The following SOCS6 variants were observed in gnomAD, a reference collection of about 807,000 sequenced individuals.
SOCS6 encodes the protein suppressor of cytokine signaling 6.
In SOCS6, 5 loss-of-function variants were observed where a neutral mutation model predicts 27.7. That is an observed-to-expected ratio of 0.18 (90% confidence interval 0.09 to 0.38). The LOEUF (loss-of-function observed/expected upper bound fraction) is 0.38. SOCS6 is among the 10% of genes least tolerant of loss of function. The pLI is 1.00. For missense variants in SOCS6, 595 were observed against 688.1 expected, an observed-to-expected ratio of 0.86 and a Z score of 1.51; for synonymous variants, 271 against 260.0, an observed-to-expected ratio of 1.04 and a Z score of -0.41.
intron 1 of SOCS6, among the ~76,000 whole-genome samples, chr18:70,319,636 G>C (rs1436484638): frequency 6.8e-6 from 1 of 147,624 alleles, no homozygotes; most frequent in Non-Finnish European, 1.5e-5. Flanking sequence ...AAAAAAATTG[G>C]TTATACTTAC....
chr18:70,296,906 CT>C lies in SOCS6; in HGVS notation c.-127+7828del, dbSNP rs375704179. ...TCCCTTTCATTTTCTCATTTTCTTT[CT>C]TTTTTTTTTTTCTGTCTTAAGCTCT... On this transcript the variant is annotated intron_variant, in intron 1 of 1. Transcript: ENST00000397942. 3.5e-4 allele frequency among the ~76,000 whole-genome samples: 45 copies of C among 129,166 alleles called. 1 individual carries two copies. The South Asian group carries it at 5.7e-3, about 16-fold the overall frequency. 84.7% of individuals were successfully genotyped at this position (129,166 alleles called of 152,430 possible).
At chr18:70,296,980 G>T (rs1414518205) in intron 1 of SOCS6, among the ~76,000 whole-genome samples, 2 of 55,280 alleles carry the variant, frequency 3.6e-5, no homozygotes, top group African/African-American at 5.2e-5. Flanking sequence ...TATTTTCTTA[G>T]CTTTTTTCTC....
At chr18:70,311,145 C>A (rs1361778728) in intron 1 of SOCS6, among the ~76,000 whole-genome samples, 1 of 152,122 alleles carries the variant, frequency 6.6e-6, no homozygotes, top group East Asian at 1.9e-4. Context: ...AAATATGTTT[C>A]TCTTAGAGCA....
rs756144051 is a variant in SOCS6 at position 70,325,447 on chromosome 18, G to A, written c.779G>A (p.Arg260His). 4 of 1,614,014 alleles carry A rather than the reference G, an allele frequency of 2.5e-6. No individual in the cohort carries two copies. Among genetic ancestry groups the A allele is most frequent in the African/African-American group, 1.3e-5 (1 of 74,918 alleles). ...GCGGTTCCTCCTCAAGTGGGAGGGC[G>A]CGCTTTCCCCGAGGATGAGAGTCAG... is the stretch of plus-strand genomic sequence containing the variant. ...VSAVPPQVGG[R>H]AFPEDESQVD... Residue 260 changes from arginine (R) to histidine (H), a missense_variant, in exon 2 of 2, where the codon CGC becomes CAC. Arg to His is a conservative substitution (Grantham distance 29, BLOSUM62 0). Transcript: ENST00000397942. The surrounding 1 kb of genome is among the most constrained non-coding windows in gnomAD (Gnocchi z 6.3).
Position 70,325,200 on chromosome 18 carries a change from C to T in SOCS6, c.532C>T (p.Leu178Phe), listed in dbSNP as rs746921252. Reference protein sequence around the residue: ...LNGVRKDFHDLQSETTCQEQA... With the variant: ...LNGVRKDFHDFQSETTCQEQA... ...TGGCGTCCGGAAGGATTTCCACGAC[C>T]TCCAGTCTGAGACCACGTGCCAGGA... is the stretch of plus-strand genomic sequence containing the variant. Residue 178 changes from leucine (L) to phenylalanine (F), a missense_variant, in exon 2 of 2, where the codon CTC becomes TTC. This residue lies in a region of SOCS6 where 467 missense variants were observed against 481.1 expected (regional missense o/e 0.97). Coordinates refer to ENST00000397942, the MANE Select transcript of SOCS6 (RefSeq NM_004232.4). The surrounding 1 kb of genome is among the most constrained non-coding windows in gnomAD (Gnocchi z 6.3). The T allele has an allele frequency of 6.2e-6, 10 of 1,614,056 alleles. No homozygotes were observed. Among genetic ancestry groups the T allele is most frequent in the Non-Finnish European group, 8.5e-6 (10 of 1,180,010 alleles).
chr18:70,299,592 G>A (rs1006033025), intron 1 of SOCS6, among the ~76,000 whole-genome samples: 3 of 152,152 alleles, frequency 2.0e-5, no homozygotes, highest in African/African-American at 7.2e-5. Flanking sequence ...CCACACTCTA[G>A]GCACTGGGTC....
intron 1 of SOCS6, among the ~76,000 whole-genome samples, chr18:70,293,662 C>G (rs186081319): frequency 6.6e-5 from 10 of 152,112 alleles, no homozygotes; most frequent in African/African-American, 2.4e-4. Flanking sequence ...AAGACAGTCT[C>G]TCATGGGGAT....
rs1292933808 is a variant in SOCS6, at chr18:70,324,697, G to A, written c.29G>A (p.Arg10Gln). 9 of 1,596,666 alleles carry A rather than the reference G, an allele frequency of 5.6e-6. No individual in the cohort carries two copies. Among genetic ancestry groups the A allele is most frequent in the Non-Finnish European group, 6.0e-6 (7 of 1,169,322 alleles). ...AAGAAAATTAGTCTTAAAACCTTAC[G>A]GAAATCTTTTAACTTGAATAAAAGT... Reference protein sequence around the residue: MKKISLKTLRKSFNLNKSKE... With the variant: MKKISLKTLQKSFNLNKSKE... The change falls in exon 2 of 2, where the codon CGG becomes CAG. Residue 10 changes from arginine to glutamine, a missense_variant. This residue lies in a region of SOCS6 where 467 missense variants were observed against 481.1 expected (regional missense o/e 0.97). Transcript: ENST00000397942.
chr18:70,312,659 G>A (rs1055643218), intron 1 of SOCS6, among the ~76,000 whole-genome samples: 2 of 151,830 alleles, frequency 1.3e-5, no homozygotes, highest in Non-Finnish European at 2.9e-5. Context: ...TGCATACAGT[G>A]AAATCACCTT....
rs1015061869 is a variant in SOCS6, at chr18:70,311,795, C to T, written c.-126-12748C>T. On this transcript the variant is annotated intron_variant, in intron 1 of 1. Transcript: ENST00000397942. ...TCTCGCTTTATCTCTACAACATTCC[C>T]TTGTATTGATTATCATTTATTAAAC... Among the ~76,000 whole-genome samples, 14 of 152,100 alleles carry T rather than the reference C, an allele frequency of 9.2e-5. 1 individual carries two copies. In the East Asian group the frequency reaches 1.5e-3, roughly 17 times the overall value.
chr18:70,319,840 TC>T (rs1455605329), intron 1 of SOCS6, among the ~76,000 whole-genome samples: 1 of 152,176 alleles, frequency 6.6e-6, no homozygotes. Flanking sequence ...CTCCTTTTTT[TC>T]TGTGAAATAA....
chr18:70,296,267 C>A (rs982660919), intron 1 of SOCS6, among the ~76,000 whole-genome samples: 1 of 152,108 alleles, frequency 6.6e-6, no homozygotes, highest in Non-Finnish European at 1.5e-5. Context: ...TATAAAATTT[C>A]AGGTTAATAT....
At position 70,330,106 on chromosome 18, in the gene SOCS6, G is replaced by T. The variant is rs1432750010; in HGVS notation, c.*3830G>T. The T allele has an allele frequency of 6.0e-6, 1 of 167,030 alleles. No homozygotes were observed. The highest frequency in any genetic ancestry group is 2.4e-5 in the African/African-American group (1 of 41,432). The allele number at this position is 167,030 out of a possible 1,614,324, so 10.3% of individuals were successfully genotyped here. A position where few individuals can be genotyped will look rare whatever the true frequency, so the allele number is the denominator to read the frequency against. On this transcript the variant is annotated 3_prime_UTR_variant, in exon 2 of 2. Coordinates refer to ENST00000397942, the MANE Select transcript of SOCS6 (RefSeq NM_004232.4). ...TGTTTTGGTTTGTAAACAAATTATA[G>T]TAATTTCTTGCACATTTTTGGAAAT... is the stretch of plus-strand genomic sequence containing the variant.
chr18:70,308,727 A>G (rs548759729), intron 1 of SOCS6, among the ~76,000 whole-genome samples: 1 of 152,032 alleles, frequency 6.6e-6, no homozygotes, highest in South Asian at 2.1e-4. Flanking sequence ...GCTTTGCTTT[A>G]TGTATTTTGG....
chr18:70,328,748 A>C lies in SOCS6; in HGVS notation c.*2472A>C, dbSNP rs1911304898. 1 of 167,040 alleles carries C rather than the reference A, an allele frequency of 6.0e-6. No homozygotes were observed. The highest frequency in any genetic ancestry group is 2.4e-5 in the African/African-American group (1 of 41,458). The allele number at this position is 167,040 out of a possible 1,614,324, so 10.3% of individuals were successfully genotyped here. ...CGATATTTTCTACTTTTGTGTAGAA[A>C]GATAACCATTTGGGGTAGGCAGCAC... On this transcript the variant is annotated 3_prime_UTR_variant, in exon 2 of 2. Transcript: ENST00000397942.
rs928126136 is a variant in SOCS6 at position 70,328,041 on chromosome 18, TA to T, written c.*1770del. On this transcript the variant is annotated 3_prime_UTR_variant, in exon 2 of 2. Coordinates refer to ENST00000397942, the MANE Select transcript of SOCS6 (RefSeq NM_004232.4). ...TGGTGGGATGTTGATTGTACCTTGTTAAAAAGACTCTCATTTTCTCATATGT... is the reference window on the plus strand; with the variant it reads ...TGGTGGGATGTTGATTGTACCTTGTTAAAAGACTCTCATTTTCTCATATGT... 4.2e-5 allele frequency: 7 copies of T among 166,978 alleles called. No individual in the cohort carries two copies. Among genetic ancestry groups the T allele is most frequent in the African/African-American group, 1.2e-4 (5 of 41,426 alleles). The allele number at this position is 166,978 out of a possible 1,614,324, so 10.3% of individuals were successfully genotyped here.
chr18:70,312,398 A>G (rs1031579520), intron 1 of SOCS6, among the ~76,000 whole-genome samples: 4 of 152,166 alleles, frequency 2.6e-5, no homozygotes, highest in African/African-American at 4.8e-5. Context: ...TATATATCCA[A>G]AGAACAAATC....
chr18:70,309,005 A>G (rs760848246), intron 1 of SOCS6, among the ~76,000 whole-genome samples: 1 of 152,162 alleles, frequency 6.6e-6, no homozygotes, highest in Non-Finnish European at 1.5e-5. Flanking sequence ...TTAGTCTGAC[A>G]ATTTCTACTT....
In SOCS6 at chr18:70,325,134, A is replaced by G. The variant is rs1443486503; in HGVS notation, c.466A>G (p.Lys156Glu). 6 of 1,614,002 alleles carry G rather than the reference A, an allele frequency of 3.7e-6. No homozygotes were observed. Among genetic ancestry groups the G allele is most frequent in the Non-Finnish European group, 5.1e-6 (6 of 1,180,036 alleles). Residue 156 changes from lysine (K) to glutamate (E), a missense_variant, in exon 2 of 2, where the codon AAG (lysine) becomes GAG (glutamate). Around this residue, in one of 2 missense-constraint regions of SOCS6, gnomAD observed 467 missense variants for 481.1 expected, o/e 0.97. Transcript: ENST00000397942. This position sits in a 1 kb window ranked among gnomAD's most constrained non-coding sequence, Gnocchi z 6.3. ...CTGCATCAAGATGGAGGTGAGAGTC[A>G]AGGCCTTGGTTCACTCTTCCAGCCC... is the stretch of plus-strand genomic sequence containing the variant. ...ETCIKMEVRV[K>E]ALVHSSSPSP... is the part of the protein sequence containing the mutation.
Sources: allele counts gnomAD v4.1 joint callset (sites outside exome capture counted in the v4.1 genomes callset), GRCh38; gene constraint gnomAD v4.1.1; regional missense constraint gnomAD v4.1.1; non-coding constraint Gnocchi (gnomAD v3.1); transcripts MANE v1.5; gene names NCBI Gene and HGNC (gene_info 2026-07-23, HGNC 2026-07-21).